The following RBFOX1 variants were observed in gnomAD, a reference collection of about 807,000 sequenced individuals.
The protein encoded by RBFOX1 is RNA binding protein fox-1 homolog 1.
In RBFOX1, 8 loss-of-function variants were observed where a neutral mutation model predicts 57.7. That is an observed-to-expected ratio of 0.14 (90% confidence interval 0.08 to 0.25). The LOEUF (loss-of-function observed/expected upper bound fraction) is 0.25, where lower values mean the gene tolerates loss of function less well. RBFOX1 is among the 10% of genes least tolerant of loss of function. The probability of loss-of-function intolerance (pLI) is 1.00; values close to 1 mark genes in which losing one functional copy is unlikely to be tolerated. For synonymous variants in RBFOX1, 326 were observed against 222.4 expected (o/e 1.47, Z -4.15); for missense variants, 611 against 548.5 (o/e 1.11, Z -1.14).
At chr16:6,260,075 A>T (rs980527862) in intron 1 of RBFOX1, among the ~76,000 whole-genome samples, 7 of 152,092 alleles carry the variant, frequency 4.6e-5, no homozygotes, top group African/African-American at 1.7e-4. Flanking sequence ...GAGTTTTCGA[A>T]TTCTAGTAAA....
chr16:6,938,977 G>A (rs542655448), intron 3 of RBFOX1, among the ~76,000 whole-genome samples: 7 of 152,198 alleles, frequency 4.6e-5, no homozygotes, highest in Admixed American at 4.6e-4. Flanking sequence ...ATTTTGCCCA[G>A]GAATGCACTG....
intron 1 of RBFOX1, among the ~76,000 whole-genome samples, chr16:6,045,456 C>T (rs995588930): frequency 1.3e-5 from 2 of 152,176 alleles, no homozygotes; most frequent in African/African-American, 2.4e-5. Context: ...ACAGCCAGAC[C>T]TCTTCATATG....
intron 1 of RBFOX1, among the ~76,000 whole-genome samples, chr16:6,093,129 C>T (rs1001239312): frequency 2.0e-5 from 3 of 152,072 alleles, no homozygotes; most frequent in Non-Finnish European, 4.4e-5. Context: ...TGGCTATCCC[C>T]AAAAAGATGC....
intron 3 of RBFOX1, among the ~76,000 whole-genome samples, chr16:5,671,629 G>A (rs1488912696): frequency 5.3e-5 from 8 of 152,092 alleles, no homozygotes; most frequent in East Asian, 3.9e-4. Flanking sequence ...GCTGTTCTTC[G>A]TTTCCTATAC....
At chr16:5,968,387 T>C (rs1043036954) in intron 4 of RBFOX1, among the ~76,000 whole-genome samples, 1 of 152,174 alleles carries the variant, frequency 6.6e-6, no homozygotes, top group Non-Finnish European at 1.5e-5. Flanking sequence ...CCAGTACATT[T>C]TTAGGGGACG....
chr16:5,484,056 A>G (rs1214384244), intron 2 of RBFOX1, among the ~76,000 whole-genome samples: 1 of 152,236 alleles, frequency 6.6e-6, no homozygotes, highest in Admixed American at 6.5e-5. Context: ...CTATAGTCCC[A>G]ACTACTCAGG....
At chr16:7,456,184 G>C (rs776609218) in intron 4 of RBFOX1, among the ~76,000 whole-genome samples, 1 of 152,196 alleles carries the variant, frequency 6.6e-6, no homozygotes, top group Non-Finnish European at 1.5e-5. Context: ...GCTCTGTGGA[G>C]GGTTGATGTA....
intron 4 of RBFOX1, among the ~76,000 whole-genome samples, chr16:7,450,600 T>A (rs1260367883): frequency 6.6e-6 from 1 of 152,120 alleles, no homozygotes; most frequent in Non-Finnish European, 1.5e-5. Flanking sequence ...AGCGTTAATG[T>A]GACATCTGGG....
chr16:6,358,552 G>T (rs1029884859), intron 2 of RBFOX1, among the ~76,000 whole-genome samples: 1 of 152,180 alleles, frequency 6.6e-6, no homozygotes, highest in African/African-American at 2.4e-5. Context: ...AATTTGAATA[G>T]ATTTCATTTA....
chr16:6,306,378 AG>A (rs1248116651), intron 1 of RBFOX1, among the ~76,000 whole-genome samples: 1 of 152,184 alleles, frequency 6.6e-6, no homozygotes, highest in African/African-American at 2.4e-5. Flanking sequence ...GGGGACCCTG[AG>A]GGCTCTCAGT....
At chr16:7,046,726 C>A (rs10163206) in intron 3 of RBFOX1, among the ~76,000 whole-genome samples, 2 of 150,866 alleles carry the variant, frequency 1.3e-5, no homozygotes, top group South Asian at 4.2e-4. Flanking sequence ...CTGCCTCAGC[C>A]TCCCAAATAG....
intron 1 of RBFOX1, among the ~76,000 whole-genome samples, chr16:6,066,750 G>C (rs17192699): frequency 6.6e-6 from 1 of 151,788 alleles, no homozygotes; most frequent in Non-Finnish European, 1.5e-5. Flanking sequence ...CCCAGGTGCC[G>C]GGTACGATGT....
rs948156694 is a variant in RBFOX1 at position 7,653,288 on chromosome 16, C to T, written c.758-527C>T. Reference sequence around the variant, plus strand: ...GGTGGAGACAGGAGGACTGCTTGAACCCAGGACTTCAAGACCAGCCGGGGC... The same window carrying T: ...GGTGGAGACAGGAGGACTGCTTGAATCCAGGACTTCAAGACCAGCCGGGGC... On this transcript the variant is annotated intron_variant, in intron 11 of 15. Coordinates refer to ENST00000550418, the MANE Select transcript of RBFOX1 (RefSeq NM_018723.4). Among the ~76,000 whole-genome samples, 3 of 152,096 alleles carry T rather than the reference C, an allele frequency of 2.0e-5. No homozygotes were observed. The East Asian group carries it at 5.8e-4, about 29-fold the overall frequency.
chr16:5,435,954 G>C (rs77629998), intron 1 of RBFOX1, among the ~76,000 whole-genome samples: 2,373 of 152,266 alleles, frequency 0.016, 75 homozygotes, highest in African/African-American at 0.054. Context: ...TACTTCCTTA[G>C]GAATTTGAAG....
intron 1 of RBFOX1, among the ~76,000 whole-genome samples, chr16:5,430,051 A>G (rs958950800): frequency 1.3e-5 from 2 of 152,230 alleles, no homozygotes; most frequent in African/African-American, 4.8e-5. Flanking sequence ...AGAGGCTTCA[A>G]GCATACATTC....
chr16:6,635,223 A>G (rs1373985729), intron 2 of RBFOX1, among the ~76,000 whole-genome samples: 9 of 150,316 alleles, frequency 6.0e-5, no homozygotes, highest in Non-Finnish European at 1.5e-5. Context: ...TTTAAAATAT[A>G]TAATACTTTC....
chr16:5,498,938 C>G (rs1404779813), intron 2 of RBFOX1, among the ~76,000 whole-genome samples: 2 of 152,162 alleles, frequency 1.3e-5, no homozygotes, highest in East Asian at 3.9e-4. Context: ...CAGGCTCTCA[C>G]TGTTGGTGTG....
Position 6,748,697 on chromosome 16 carries a change from A to G in RBFOX1, c.-16+94047A>G, listed in dbSNP as rs143699304. Among the ~76,000 whole-genome samples, 29 of 152,296 alleles carry G rather than the reference A, an allele frequency of 1.9e-4. 1 individual carries two copies. In the East Asian group the frequency reaches 5.0e-3, roughly 26 times the overall value. On this transcript the variant is annotated intron_variant, in intron 3 of 15. Transcript: ENST00000550418. ...AATTATTTGGAGTATATAGAATTTG[A>G]ACTTGTTATGCATGTATGAACAGAA...
intron 4 of RBFOX1, among the ~76,000 whole-genome samples, chr16:7,287,214 T>C (rs560710062): frequency 2.0e-5 from 3 of 152,298 alleles, no homozygotes; most frequent in South Asian, 4.1e-4. Flanking sequence ...TGTCTTGATC[T>C]ATGTACAAAG....
Sources: gnomAD v4.1 joint callset for allele counts (sites outside exome capture counted in the v4.1 genomes callset) on GRCh38, gnomAD v4.1.1 for gene constraint, MANE v1.5 for transcripts, NCBI Gene and HGNC (gene_info 2026-07-23, HGNC 2026-07-21) for gene names.